GAPVD1: variants seen among roughly 807,000 people sequenced by gnomAD.
GAPVD1 encodes the protein GTPase-activating protein and VPS9 domain-containing protein 1.
A neutral mutation model predicts 155.5 loss-of-function variants in GAPVD1; 35 were observed. The observed-to-expected ratio is 0.23, with a 90% CI of 0.17 to 0.30. The LOEUF (loss-of-function observed/expected upper bound fraction) is 0.30, where lower values mean the gene tolerates loss of function less well. Ranked by LOEUF, GAPVD1 falls within the 10% of genes least tolerant of loss-of-function variation. GAPVD1 has a pLI of 1.00. For missense variants in GAPVD1, 1,429 were observed against 1,775.7 expected (o/e 0.80, Z 3.51); for synonymous variants, 636 against 619.7 (o/e 1.03, Z -0.39).
chr9:125,266,463 G>A (rs950063661), intron 1 of GAPVD1, among the ~76,000 whole-genome samples: 1 of 151,816 alleles, frequency 6.6e-6, no homozygotes, highest in African/African-American at 2.4e-5. Flanking sequence ...ACAGGCGCCC[G>A]CCACCATGCC....
At chr9:125,286,424 A>C (rs551654261) in intron 2 of GAPVD1, among the ~76,000 whole-genome samples, 1 of 151,686 alleles carries the variant, frequency 6.6e-6, no homozygotes, top group South Asian at 2.1e-4. Flanking sequence ...AATTACAGGC[A>C]TGAACCACCA....
At chr9:125,350,135 A>C (rs1849096083) in intron 21 of GAPVD1, among the ~76,000 whole-genome samples, 160 bp from the exon 22 acceptor site, 1 of 152,218 alleles carries the variant, frequency 6.6e-6, no homozygotes, top group East Asian at 1.9e-4. Flanking sequence ...GGGTAATTAG[A>C]AAGCCTGTTC....
chr9:125,329,975 C>T (rs1845849485), intron 12 of GAPVD1, 103 bp from the exon 13 acceptor site: 1 of 939,554 alleles, frequency 1.1e-6, no homozygotes, highest in Non-Finnish European at 1.6e-6. Context: ...AGCCACCGCG[C>T]CCAGCCAGGA....
intron 2 of GAPVD1, among the ~76,000 whole-genome samples, chr9:125,291,790 C>G (rs1264303856): frequency 6.6e-6 from 1 of 151,894 alleles, no homozygotes; most frequent in Non-Finnish European, 1.5e-5. Flanking sequence ...CATGGGAAAG[C>G]CAGATTTTAG....
At chr9:125,347,692 G>A (rs1235399585) in intron 20 of GAPVD1, among the ~76,000 whole-genome samples, 2 of 149,774 alleles carry the variant, frequency 1.3e-5, no homozygotes, top group Non-Finnish European at 3.0e-5. Context: ...CTGCACTCCA[G>A]TCTGGGCAAA....
chr9:125,341,457 G>C (rs1232633764), intron 18 of GAPVD1, 193 bp downstream of exon 18: 1 of 481,760 alleles, frequency 2.1e-6, no homozygotes, highest in Admixed American at 3.9e-5. Flanking sequence ...CTTGTTCTTT[G>C]CAGGAAGTGA....
At chr9:125,310,014 G>GTAA (rs1297970795) in intron 8 of GAPVD1, 2 of 427,898 alleles carry the variant, frequency 4.7e-6, no homozygotes, top group African/African-American at 2.1e-5. Context: ...CGTTTGGTGG[G>GTAA]TAATAGGCTG....
At chr9:125,335,334 A>AT (rs1846734949) in intron 15 of GAPVD1, 1 of 525,852 alleles carries the variant, frequency 1.9e-6, no homozygotes, top group African/African-American at 2.0e-5. Context: ...TTATTTATTT[A>AT]TTTATTTTTA....
chr9:125,301,838 T>G lies in GAPVD1; in HGVS notation c.186-145T>G, dbSNP rs1295812578. 9 of 590,044 alleles carry G rather than the reference T, an allele frequency of 1.5e-5. No individual in the cohort carries two copies. The Admixed American group carries it at 2.5e-4, about 17-fold the overall frequency. 36.6% of individuals were successfully genotyped at this position (590,044 alleles called of 1,614,324 possible). A position where few individuals can be genotyped will look rare whatever the true frequency, so the allele number is the denominator to read the frequency against. On this transcript the variant is annotated intron_variant, in intron 4 of 27. Coordinates refer to ENST00000297933, the MANE Select transcript of GAPVD1 (RefSeq NM_001282680.3). ...TTGTCCTTTACTCATTGAGTTGCTG[T>G]TAGTTTAAAAAATTTTAGCAATTCA...
intron 9 of GAPVD1, among the ~76,000 whole-genome samples, chr9:125,313,283 AT>A (rs932385721): frequency 2.2e-3 from 322 of 145,012 alleles, no homozygotes; most frequent in African/African-American, 5.7e-3. Flanking sequence ...CTAGCAATGA[AT>A]TTTTTTTTTT....
intron 24 of GAPVD1, 58 bp downstream of exon 24, chr9:125,354,899 T>G (rs1018686194): frequency 8.3e-7 from 1 of 1,204,104 alleles, no homozygotes; most frequent in Non-Finnish European, 1.2e-6. Flanking sequence ...TGGGAAGATT[T>G]AGAAATACTG....
chr9:125,313,790 G>T (rs2009570), intron 9 of GAPVD1, among the ~76,000 whole-genome samples: 1 of 151,984 alleles, frequency 6.6e-6, no homozygotes, highest in Non-Finnish European at 1.5e-5. Context: ...TAGTAGAGAC[G>T]GGGTTTTGCC....
chr9:125,337,489 A>G lies in GAPVD1; in HGVS notation c.2775A>G (p.Glu925=). Residue 925 remains glutamate, a synonymous_variant, in exon 17 of 28, where the codon GAA becomes GAG. Transcript: ENST00000297933. ...DPSWNRRPGN[E]ERELPPAAAI... is the part of the protein sequence containing the mutation. ...GCTGGAACCGGCGTCCAGGAAATGA[A>G]GAGCGAGAACTCCCTCCAGCTGCAG... 2 of 1,614,186 alleles carry G rather than the reference A, an allele frequency of 1.2e-6. No individual in the cohort carries two copies. Among genetic ancestry groups the G allele is most frequent in the East Asian group, 4.5e-5 (2 of 44,884 alleles).
intron 13 of GAPVD1, among the ~76,000 whole-genome samples, chr9:125,330,527 G>A (rs1204182798): frequency 1.3e-5 from 2 of 152,028 alleles, no homozygotes; most frequent in African/African-American, 4.8e-5. Context: ...ATGTTGGCCA[G>A]GCTGGTCTTG....
At chr9:125,303,305 C>T (rs1380099423) in intron 5 of GAPVD1, among the ~76,000 whole-genome samples, 1 of 151,376 alleles carries the variant, frequency 6.6e-6, no homozygotes, top group Non-Finnish European at 1.5e-5. Flanking sequence ...AGGCGTGAGC[C>T]ACCACTCCTG....
chr9:125,313,762 C>T (rs1312511542), intron 9 of GAPVD1, among the ~76,000 whole-genome samples: 3 of 152,202 alleles, frequency 2.0e-5, no homozygotes, highest in South Asian at 2.1e-4. Context: ...CCACCACACC[C>T]GGCTAACTTT....
chr9:125,353,292 T>G (rs1301688863), intron 23 of GAPVD1, among the ~76,000 whole-genome samples: 1 of 152,206 alleles, frequency 6.6e-6, no homozygotes, highest in Non-Finnish European at 1.5e-5. Flanking sequence ...GAGTCACCTT[T>G]GCACCAGTTC....
rs777305515 is a variant in GAPVD1, at chr9:125,337,496, G to C, written c.2782G>C (p.Glu928Gln). ...CCGGCGTCCAGGAAATGAAGAGCGA[G>C]AACTCCCTCCAGCTGCAGCCATTGG... The part of the protein sequence containing the change: ...WNRRPGNEER[E>Q]LPPAAAIGAT... Residue 928 changes from glutamate to glutamine, a missense_variant, in exon 17 of 28, where the codon GAA becomes CAA. Coordinates refer to ENST00000297933, the MANE Select transcript of GAPVD1 (RefSeq NM_001282680.3). 6.2e-6 allele frequency: 10 copies of C among 1,614,186 alleles called. No individual in the cohort carries two copies. The highest frequency in any genetic ancestry group is 3.3e-5 in the Admixed American group (2 of 60,024).
At chr9:125,312,144 A>G (rs1842760741) in intron 8 of GAPVD1, among the ~76,000 whole-genome samples, 1 of 152,152 alleles carries the variant, frequency 6.6e-6, no homozygotes, top group African/African-American at 2.4e-5. Flanking sequence ...TTGTCACTCC[A>G]AGTCTTAAAT....
Sources: gnomAD v4.1 joint callset for allele counts (sites outside exome capture counted in the v4.1 genomes callset) on GRCh38, gnomAD v4.1.1 for gene constraint, MANE v1.5 for transcripts, NCBI Gene and HGNC (gene_info 2026-07-23, HGNC 2026-07-21) for gene names.